The following KCNMA1 variants were observed in gnomAD, a reference collection of about 807,000 sequenced individuals.
The protein encoded by KCNMA1 is Calcium-activated potassium channel subunit alpha-1.
Under a neutral mutation model 140.0 loss-of-function variants are expected in KCNMA1, and 29 were observed. That is an observed-to-expected ratio of 0.21 (90% CI 0.15 to 0.28). The LOEUF is 0.28. Among genes scored for constraint, KCNMA1 ranks in the 10% least tolerant of loss-of-function variants. KCNMA1 has a pLI of 1.00. For missense variants in KCNMA1, 880 were observed against 1,602.2 expected (o/e 0.55, Z 7.70); for synonymous variants, 612 against 611.9 (o/e 1.00, Z 0.00).
At chr10:76,990,180 T>C (rs2082346606) in intron 19 of KCNMA1, among the ~76,000 whole-genome samples, 1 of 152,152 alleles carries the variant, frequency 6.6e-6, no homozygotes, top group Admixed American at 6.5e-5. Context: ...TGAAATGAGA[T>C]GATGTTGGTG....
intron 1 of KCNMA1, among the ~76,000 whole-genome samples, chr10:77,532,150 G>A (rs1291220462): frequency 6.6e-6 from 1 of 152,184 alleles, no homozygotes; most frequent in African/African-American, 2.4e-5. Context: ...GCAACTGGGG[G>A]GAAAATGCAC....
intron 1 of KCNMA1, chr10:77,637,001 A>G (rs1383831983): frequency 8.5e-6 from 12 of 1,409,074 alleles, no homozygotes; most frequent in Non-Finnish European, 1.1e-5. Flanking sequence ...GCAGCCGCCA[A>G]CAACCCTACA....
chr10:77,397,976 A>G (rs1315500335), intron 2 of KCNMA1, among the ~76,000 whole-genome samples: 2 of 151,074 alleles, frequency 1.3e-5, no homozygotes. Context: ...ATAGTATCTT[A>G]TTGTGTGTGT....
At chr10:77,606,896 C>T (rs924340104) in intron 1 of KCNMA1, among the ~76,000 whole-genome samples, 1 of 152,172 alleles carries the variant, frequency 6.6e-6, no homozygotes, top group Non-Finnish European at 1.5e-5. Context: ...CCCCAAAACC[C>T]GTGCAACCCT....
chr10:77,137,620 C>T (rs1342708487), intron 5 of KCNMA1, among the ~76,000 whole-genome samples: 5 of 152,182 alleles, frequency 3.3e-5, no homozygotes, highest in Non-Finnish European at 7.3e-5. Context: ...ATCTGAGCCT[C>T]TCCTTCCCAG....
intron 10 of KCNMA1, among the ~76,000 whole-genome samples, chr10:77,087,669 T>C (rs988200394): frequency 6.6e-6 from 1 of 152,204 alleles, no homozygotes; most frequent in Non-Finnish European, 1.5e-5. Flanking sequence ...TACTGACATC[T>C]TTCTCTTTGG....
intron 14 of KCNMA1, among the ~76,000 whole-genome samples, chr10:77,043,657 T>C (rs866989406): frequency 6.6e-6 from 1 of 152,190 alleles, no homozygotes; most frequent in Non-Finnish European, 1.5e-5. Flanking sequence ...TATTATTCAG[T>C]CTTAAAAAAG....
At chr10:77,436,072 G>A (rs184889994) in intron 1 of KCNMA1, among the ~76,000 whole-genome samples, 73 of 152,326 alleles carry the variant, frequency 4.8e-4, no homozygotes, top group African/African-American at 1.7e-3. Flanking sequence ...GGCCCTGCAC[G>A]TAGAGAACGT....
At chr10:77,615,549 G>A (rs548977578) in intron 1 of KCNMA1, among the ~76,000 whole-genome samples, 52 of 152,222 alleles carry the variant, frequency 3.4e-4, no homozygotes, top group African/African-American at 1.1e-3. Context: ...CCAATCCTCC[G>A]TTTTACAGGT....
At position 77,027,841 on chromosome 10, in the gene KCNMA1, G is replaced by C; in HGVS notation, c.1910C>G (p.Ser637Cys). 1 of 1,613,948 alleles carries C rather than the reference G, an allele frequency of 6.2e-7. No homozygotes were observed. The highest frequency in any genetic ancestry group is 8.5e-7 in the Non-Finnish European group (1 of 1,179,922). ...KLLMIAIEYK[S>C]ANRESRILIN... The stretch of plus-strand genomic sequence containing the variant: ...AACTTACCGGCTCTCTCGGTTGGCA[G>C]ACTTGTACTCAATGGCTATCATTAG... Residue 637 changes from serine to cysteine, a missense_variant, in exon 16 of 28, where the codon TCT becomes TGT. Around this residue, in one of 13 missense-constraint regions of KCNMA1, gnomAD observed 196 missense variants for 233.0 expected, o/e 0.84. Transcript: ENST00000286628.
intron 2 of KCNMA1, among the ~76,000 whole-genome samples, chr10:77,257,695 T>C (rs576739724): frequency 4.6e-5 from 7 of 152,222 alleles, no homozygotes; most frequent in African/African-American, 1.4e-4. Flanking sequence ...TGGGAGGTAA[T>C]TGAATCATGG....
chr10:77,366,469 A>G (rs1214388707), intron 2 of KCNMA1, among the ~76,000 whole-genome samples: 2 of 152,106 alleles, frequency 1.3e-5, no homozygotes, highest in South Asian at 2.1e-4. Flanking sequence ...ACGCCCGGCC[A>G]CATGTGCTTT....
At chr10:77,363,756 C>T (rs1252477252) in intron 2 of KCNMA1, among the ~76,000 whole-genome samples, 1 of 152,126 alleles carries the variant, frequency 6.6e-6, no homozygotes, top group Non-Finnish European at 1.5e-5. Flanking sequence ...TACACTCCTC[C>T]CCGTCTTTGT....
At chr10:76,948,229 C>T (rs1351712856) in intron 22 of KCNMA1, among the ~76,000 whole-genome samples, 1 of 152,118 alleles carries the variant, frequency 6.6e-6, no homozygotes, top group African/African-American at 2.4e-5. Context: ...TGCTCATGAA[C>T]TCCTGAGCTT....
In KCNMA1 at chr10:76,887,354, G is replaced by A; in HGVS notation, c.3623C>T (p.Ser1208Phe). ...CTGTCGGTTTGCTGTGGATGGGATG[G>A]AGTGAACAGAGGAGCTCTTCTTGCT... ...SSSKKSSSVHSIPSTANRQNR... is the reference protein window; with the variant it reads ...SSSKKSSSVHFIPSTANRQNR... The change falls in exon 28 of 28, where the codon TCC becomes TTC. Residue 1208 changes from serine to phenylalanine, a missense_variant. Physicochemically the swap from Ser to Phe is radical, Grantham distance 155. Coordinates refer to ENST00000286628, the MANE Select transcript of KCNMA1 (RefSeq NM_001161352.2). 6.2e-7 allele frequency: 1 copy of A among 1,614,148 alleles called. No homozygotes were observed. Among genetic ancestry groups the A allele is most frequent in the Non-Finnish European group, 8.5e-7 (1 of 1,180,032 alleles).
At chr10:76,922,037 T>G (rs72803352) in intron 23 of KCNMA1, among the ~76,000 whole-genome samples, 3 of 152,096 alleles carry the variant, frequency 2.0e-5, no homozygotes, top group Non-Finnish European at 2.9e-5. Context: ...TGGAGGTCAG[T>G]GTCAAGGAGG....
Position 76,926,022 on chromosome 10 carries a change from T to C in KCNMA1, c.2903-10973A>G, listed in dbSNP as rs557266879. Among the ~76,000 whole-genome samples the C allele has an allele frequency of 2.7e-5, 4 of 147,194 alleles. No individual in the cohort carries two copies. In the East Asian group the frequency reaches 7.7e-4, roughly 28 times the overall value. On this transcript the variant is annotated intron_variant, in intron 23 of 27. Transcript: ENST00000286628. ...TGATGGTTCTTTAAAAGAAAGAATCTTTTTTTCTTAAGTGTTGAAGTGTTT... is the reference window on the plus strand; with the variant it reads ...TGATGGTTCTTTAAAAGAAAGAATCCTTTTTTCTTAAGTGTTGAAGTGTTT...
chr10:77,134,997 C>CAAAAAAAAA (rs71028253), intron 5 of KCNMA1, among the ~76,000 whole-genome samples: 731 of 11,768 alleles, frequency 0.062, 232 homozygotes, highest in Middle Eastern at 0.1. Flanking sequence ...GACTCTGTCT[C>CAAAAAAAAA]AAAAAAAAAA....
chr10:77,141,379 T>C (rs1408309625), intron 5 of KCNMA1, among the ~76,000 whole-genome samples: 3 of 152,150 alleles, frequency 2.0e-5, no homozygotes, highest in Non-Finnish European at 4.4e-5. Context: ...TGAGGTACTT[T>C]AGGGAGTGAT....
Sources: gnomAD v4.1 joint callset for allele counts (sites outside exome capture counted in the v4.1 genomes callset) on GRCh38, gnomAD v4.1.1 for gene constraint, gnomAD v4.1.1 regional missense constraint, MANE v1.5 for transcripts, NCBI Gene and HGNC (gene_info 2026-07-23, HGNC 2026-07-21) for gene names.